Variants in WNT10A observed in about 807,000 individuals in gnomAD.
WNT10A encodes the protein Wnt family member 10A.
A neutral mutation model predicts 36.1 loss-of-function variants in WNT10A; 37 were observed. The ratio of observed to expected loss-of-function variants is 1.02; its 90% CI spans 0.79 to 1.35. The LOEUF (loss-of-function observed/expected upper bound fraction) is 1.35. WNT10A is among the 40% of genes most tolerant of loss of function. WNT10A has a pLI of 0.00. For missense variants in WNT10A, 613 were observed against 601.4 expected (o/e 1.02, Z -0.20); for synonymous variants, 255 against 254.1 (o/e 1.00, Z -0.03).
In WNT10A at chr2:218,893,247, C is replaced by T; in HGVS notation, c.1230C>T (p.Thr410=). 1 of 1,559,476 alleles carries T rather than the reference C, an allele frequency of 6.4e-7. No individual in the cohort carries two copies. The highest frequency in any genetic ancestry group is 2.3e-5 in the East Asian group (1 of 43,040). ...TGGTCTGCGAAGAGTGCCGCATCAC[C>T]GAGTGGGTCAGCGTCTGCAAGTGAG... ...CFVVCEECRI[T]EWVSVCK is the part of the protein sequence containing the mutation. Residue 410 remains threonine, a synonymous_variant, in exon 4 of 4, where the codon ACC becomes ACT. Transcript: ENST00000258411. This position sits in a 1 kb window ranked among gnomAD's most constrained non-coding sequence, Gnocchi z 6.3.
chr2:218,875,513 G>C, the WNT10A span, among the ~76,000 whole-genome samples: 8 of 152,266 alleles, frequency 5.3e-5, no homozygotes, highest in African/African-American at 1.9e-4. Context: ...AAAGGAAAGT[G>C]TACCAAACTT....
In WNT10A at chr2:218,893,487, G is replaced by C. The variant is rs552325173; in HGVS notation, c.*216G>C. 767 of 574,958 alleles carry C rather than the reference G, an allele frequency of 1.3e-3. 10 individuals are homozygous for C. In the African/African-American group the frequency reaches 0.014, roughly 10 times the overall value. The allele number at this position is 574,958 out of a possible 1,614,324, so 35.6% of individuals were successfully genotyped here. ...ACTCACTTCTGTGGGCTCTAGGACTGACTGGGTTCTTCCTCCCTCCCCGAA... is the reference window on the plus strand; with the variant it reads ...ACTCACTTCTGTGGGCTCTAGGACTCACTGGGTTCTTCCTCCCTCCCCGAA... On this transcript the variant is annotated 3_prime_UTR_variant, in exon 4 of 4. Transcript: ENST00000258411. This position sits in a 1 kb window ranked among gnomAD's most constrained non-coding sequence, Gnocchi z 6.3.
intron 2 of WNT10A, among the ~76,000 whole-genome samples, 196 bp downstream of exon 2, chr2:218,882,619 C>T (rs1416096825): frequency 6.6e-6 from 1 of 152,214 alleles, no homozygotes; most frequent in East Asian, 1.9e-4. Context: ...AATGTGTCTC[C>T]AGACTGGGCT....
upstream of WNT10A, among the ~76,000 whole-genome samples, chr2:218,878,099 G>C (rs571103938): frequency 1.3e-5 from 2 of 152,218 alleles, no homozygotes; most frequent in Non-Finnish European, 2.9e-5. This position sits in a 1 kb window ranked among gnomAD's most constrained non-coding sequence, Gnocchi z 4.1. Flanking sequence ...GGTCTTAGGC[G>C]GCGGCTGCGG....
chr2:218,877,409 C>T (rs199790250), upstream of WNT10A, among the ~76,000 whole-genome samples: 21 of 152,302 alleles, frequency 1.4e-4, no homozygotes, highest in Non-Finnish European at 2.6e-4. The surrounding 1 kb of genome is among the most constrained non-coding windows in gnomAD (Gnocchi z 4.1). Flanking sequence ...GACTTCTAGC[C>T]TTATCTTCTT....
chr2:218,887,792 G>A (rs1273742446), intron 2 of WNT10A, among the ~76,000 whole-genome samples: 1 of 152,212 alleles, frequency 6.6e-6, no homozygotes, highest in Non-Finnish European at 1.5e-5. Context: ...AATAGCTAAT[G>A]TTTGAGTAAT....
At position 218,880,905 on chromosome 2, in the gene WNT10A, A is replaced by G; in HGVS notation, c.-91A>G. On this transcript the variant is annotated 5_prime_UTR_variant, in exon 1 of 4. Coordinates refer to ENST00000258411, the MANE Select transcript of WNT10A (RefSeq NM_025216.3). This position sits in a 1 kb window ranked among gnomAD's most constrained non-coding sequence, Gnocchi z 7.7. ...GGAGCTGTGTGTCGCAGCCGCCCCG[A>G]CCCCCCGCCGATCATGCGCCGGCGC... 1 of 1,422,570 alleles carries G rather than the reference A, an allele frequency of 7.0e-7. No homozygotes were observed. Among genetic ancestry groups the G allele is most frequent in the Non-Finnish European group, 9.2e-7 (1 of 1,084,844 alleles). 88.1% of individuals were successfully genotyped at this position (1,422,570 alleles called of 1,614,324 possible).
chr2:218,883,858 G>A (rs1029103905), intron 2 of WNT10A: 69 of 152,540 alleles, frequency 4.5e-4, no homozygotes, highest in African/African-American at 1.6e-3. Context: ...GCGCCGACAC[G>A]AACGGACGGG....
intron 2 of WNT10A, among the ~76,000 whole-genome samples, chr2:218,887,477 G>A (rs143927549): frequency 1.5e-3 from 225 of 152,200 alleles, no homozygotes; most frequent in African/African-American, 5.2e-3. Context: ...ACTTCCCCAG[G>A]GCAGTTTCTA....
At chr2:218,882,996 A>G (rs945000251) in intron 2 of WNT10A, among the ~76,000 whole-genome samples, 1 of 152,186 alleles carries the variant, frequency 6.6e-6, no homozygotes, top group Non-Finnish European at 1.5e-5. Flanking sequence ...GCCTGTGTGC[A>G]GTGGCTCCTG....
upstream of WNT10A, among the ~76,000 whole-genome samples, chr2:218,878,114 T>C (rs1362715540): frequency 2.0e-5 from 3 of 152,140 alleles, no homozygotes; most frequent in Non-Finnish European, 4.4e-5. The surrounding 1 kb of genome is among the most constrained non-coding windows in gnomAD (Gnocchi z 4.1). Flanking sequence ...CTGCGGGGGC[T>C]GGGGCTGGGC....
At chr2:218,880,851 C>T, upstream of WNT10A, 1 of 959,426 alleles carries the variant, frequency 1.0e-6, no homozygotes. This position sits in a 1 kb window ranked among gnomAD's most constrained non-coding sequence, Gnocchi z 7.7. Context: ...AGGCGGGCGC[C>T]GTCTGCTCCG....
intron 2 of WNT10A, among the ~76,000 whole-genome samples, chr2:218,887,930 A>T (rs1944597311): frequency 6.6e-6 from 1 of 152,250 alleles, no homozygotes; most frequent in Non-Finnish European, 1.5e-5. Flanking sequence ...CAGGGAGGTT[A>T]AGTCACTTGG....
In WNT10A at chr2:218,893,163, C is replaced by T. The variant is rs759671927; in HGVS notation, c.1146C>T (p.Asn382=). The change falls in exon 4 of 4, where the codon AAC becomes AAT. Residue 382 remains asparagine (N), a synonymous_variant. Coordinates refer to ENST00000258411, the MANE Select transcript of WNT10A (RefSeq NM_025216.3). The surrounding 1 kb of genome is among the most constrained non-coding windows in gnomAD (Gnocchi z 6.3). ...CGSMCCGRGH[N]ILRQTRSERC... ...GCATGTGCTGCGGCCGCGGCCACAA[C>T]ATCCTGCGCCAGACGCGCAGCGAGC... is the stretch of plus-strand genomic sequence containing the variant. 2.6e-5 allele frequency: 41 copies of T among 1,587,200 alleles called. No individual in the cohort carries two copies. In the South Asian group the frequency reaches 4.3e-4, roughly 17 times the overall value.
In WNT10A at chr2:218,882,359, C is replaced by G. The variant is rs1944528532; in HGVS notation, c.312C>G (p.Arg104=). Residue 104 remains arginine (R), a synonymous_variant, in exon 2 of 4, where the codon CGC becomes CGG. Transcript: ENST00000258411. ...GCCAACACCAATTCAGGGACCAGCG[C>G]TGGAACTGCTCAAGCCTGGAGACTC... is the stretch of plus-strand genomic sequence containing the variant. ...HECQHQFRDQ[R]WNCSSLETRN... The G allele has an allele frequency of 1.2e-6, 2 of 1,614,080 alleles. No homozygotes were observed. The highest frequency in any genetic ancestry group is 2.2e-5 in the South Asian group (2 of 91,088).
chr2:218,886,085 G>A (rs1944573807), intron 2 of WNT10A, among the ~76,000 whole-genome samples: 1 of 152,114 alleles, frequency 6.6e-6, no homozygotes, highest in African/African-American at 2.4e-5. Flanking sequence ...TTTAAAGTTT[G>A]CACCCAATCC....
chr2:218,888,313 G>C (rs890231723), intron 2 of WNT10A, among the ~76,000 whole-genome samples: 1 of 152,236 alleles, frequency 6.6e-6, no homozygotes, highest in Non-Finnish European at 1.5e-5. Flanking sequence ...ACCCTCCTTT[G>C]CAAGTAGGCC....
intron 2 of WNT10A, among the ~76,000 whole-genome samples, chr2:218,887,496 C>T (rs1944592112): frequency 6.6e-6 from 1 of 152,198 alleles, no homozygotes; most frequent in Admixed American, 6.5e-5. Flanking sequence ...TACTCCTCTG[C>T]AGCTCCTGCT....
chr2:218,882,630 G>A (rs1424622977), intron 2 of WNT10A, among the ~76,000 whole-genome samples: 1 of 152,230 alleles, frequency 6.6e-6, no homozygotes, highest in African/African-American at 2.4e-5. Flanking sequence ...AGACTGGGCT[G>A]TGTAGGCTGA....
Sources: allele counts gnomAD v4.1 joint callset (sites outside exome capture counted in the v4.1 genomes callset), GRCh38; gene constraint gnomAD v4.1.1; non-coding constraint Gnocchi (gnomAD v3.1); transcripts MANE v1.5; gene names NCBI Gene and HGNC (gene_info 2026-07-23, HGNC 2026-07-21).